TANK: variants seen among roughly 807,000 people sequenced by gnomAD.
TANK encodes TRAF family member-associated NF-kappa-B activator.
Under a neutral mutation model 43.6 loss-of-function variants are expected in TANK, and 15 were observed. The observed-to-expected ratio is 0.34, with a 90% CI of 0.23 to 0.53. The LOEUF (loss-of-function observed/expected upper bound fraction) is 0.53. TANK is among the 20% of genes least tolerant of loss of function. The pLI is 0.94. For missense variants in TANK, 417 were observed against 498.6 expected (o/e 0.84, Z 1.56); for synonymous variants, 162 against 178.2 (o/e 0.91, Z 0.73).
chr2:161,231,588 T>G (rs537285376), intron 7 of TANK, 37 bp downstream of exon 7: 1 of 1,573,352 alleles, frequency 6.4e-7, no homozygotes, highest in Non-Finnish European at 8.7e-7. Flanking sequence ...TTATTATGTG[T>G]GAACACACAT....
Position 161,204,708 on chromosome 2 carries a change from A to T in TANK, c.242A>T (p.Asp81Val), listed in dbSNP as rs764649159. 1 of 1,610,744 alleles carries T rather than the reference A, an allele frequency of 6.2e-7. No homozygotes were observed. Among genetic ancestry groups the T allele is most frequent in the South Asian group, 1.1e-5 (1 of 90,578 alleles). The change falls in exon 4 of 8, where the codon GAC (aspartate) becomes GTC (valine). Residue 81 changes from aspartate (D) to valine (V), a missense_variant. Transcript: ENST00000392749. The part of the protein sequence containing the change: ...NNYGCVPLLE[D>V]SETRKNNLTL... ...TATGGCTGTGTTCCTCTGCTTGAAG[A>T]CAGTGAAACAAGAAAGAATAATTTG... is the stretch of plus-strand genomic sequence containing the variant.
At chr2:161,229,199 G>A (rs1404177823) in intron 6 of TANK, among the ~76,000 whole-genome samples, 1 of 152,224 alleles carries the variant, frequency 6.6e-6, no homozygotes, top group East Asian at 1.9e-4. Context: ...AGGTGCAAAG[G>A]TGCAAAGACA....
chr2:161,215,755 A>G (rs1687089626), intron 4 of TANK, among the ~76,000 whole-genome samples: 1 of 152,110 alleles, frequency 6.6e-6, no homozygotes, highest in Non-Finnish European at 1.5e-5. Flanking sequence ...AGGGTAGAGG[A>G]GGGGGAAGAG....
At chr2:161,214,079 T>C (rs1452907780) in intron 4 of TANK, among the ~76,000 whole-genome samples, 2 of 152,200 alleles carry the variant, frequency 1.3e-5, no homozygotes, top group Admixed American at 1.3e-4. Context: ...CAGAAAAATC[T>C]TTCAAGTATT....
intron 2 of TANK, among the ~76,000 whole-genome samples, chr2:161,190,276 G>A (rs2105318963): frequency 6.6e-6 from 1 of 152,320 alleles, no homozygotes; most frequent in East Asian, 1.9e-4. Context: ...ACCCATTGGT[G>A]TGGCTGTTAT....
At position 161,224,733 on chromosome 2, in the gene TANK, A is replaced by G. The variant is rs760342889; in HGVS notation, c.507A>G (p.Pro169=). ...QKDHLSKLNI[P]DTATETQCSV... is the part of the protein sequence containing the mutation. Reference sequence around the variant, plus strand: ...ACCACTTAAGCAAACTTAATATACCAGACACTGCAACTGGTAAGATTTAAT... The same window carrying G: ...ACCACTTAAGCAAACTTAATATACCGGACACTGCAACTGGTAAGATTTAAT... The change falls in exon 6 of 8, where the codon CCA becomes CCG. Residue 169 remains proline, a synonymous_variant. Transcript: ENST00000392749. 13 of 1,531,080 alleles carry G rather than the reference A, an allele frequency of 8.5e-6. No individual in the cohort carries two copies. The South Asian group carries it at 1.7e-4, about 20-fold the overall frequency. The allele number at this position is 1,531,080 out of a possible 1,614,324, so 94.8% of individuals were successfully genotyped here.
At chr2:161,144,351 T>C (rs1238994344) in intron 1 of TANK, among the ~76,000 whole-genome samples, 14 of 152,144 alleles carry the variant, frequency 9.2e-5, no homozygotes, top group Admixed American at 9.2e-4. Context: ...TTCTGCTAGG[T>C]TTTGGATTTG....
intron 1 of TANK, among the ~76,000 whole-genome samples, chr2:161,150,794 T>C (rs1263922063): frequency 3.9e-5 from 6 of 152,092 alleles, no homozygotes; most frequent in African/African-American, 1.2e-4. Flanking sequence ...TTTCACCATG[T>C]TGGCCAGGCT....
chr2:161,158,121 C>G (rs1573956568), upstream of TANK, among the ~76,000 whole-genome samples: 1 of 152,350 alleles, frequency 6.6e-6, no homozygotes, highest in Non-Finnish European at 1.5e-5. Flanking sequence ...CTCAAGTGAT[C>G]CTCTGCCCTT....
intron 2 of TANK, among the ~76,000 whole-genome samples, chr2:161,202,102 G>C (rs1300675884): frequency 6.7e-6 from 1 of 149,454 alleles, no homozygotes; most frequent in Non-Finnish European, 1.5e-5. Context: ...TATCAGCTTT[G>C]TCAGTTATTC....
At chr2:161,156,210 C>T, upstream of TANK, 2 of 985,328 alleles carry the variant, frequency 2.0e-6, no homozygotes, top group Non-Finnish European at 1.2e-6. Flanking sequence ...TTTGTACTTT[C>T]CAGTCATATT....
At chr2:161,230,194 C>CT (rs1687839525) in intron 6 of TANK, among the ~76,000 whole-genome samples, 2 of 152,070 alleles carry the variant, frequency 1.3e-5, no homozygotes, top group Admixed American at 1.3e-4. Context: ...ATCTATGAAC[C>CT]TTGTGGCTCT....
At chr2:161,180,738 T>A (rs1355306053) in intron 2 of TANK, among the ~76,000 whole-genome samples, 2 of 152,066 alleles carry the variant, frequency 1.3e-5, no homozygotes, top group African/African-American at 2.4e-5. Context: ...TTTATTACAG[T>A]GACATAGTAA....
chr2:161,142,169 T>A (rs1683767915), intron 1 of TANK, among the ~76,000 whole-genome samples: 1 of 152,120 alleles, frequency 6.6e-6, no homozygotes, highest in South Asian at 2.1e-4. Context: ...CACTCTTTGA[T>A]GGGGTTGTTT....
intron 2 of TANK, among the ~76,000 whole-genome samples, chr2:161,185,862 TAAAAA>T (rs576089187): frequency 6.6e-6 from 1 of 151,744 alleles, no homozygotes; most frequent in Non-Finnish European, 1.5e-5. Flanking sequence ...TAAAGTATAA[TAAAAA>T]AAATAATAAT....
chr2:161,213,410 C>T (rs1686978832), intron 4 of TANK, among the ~76,000 whole-genome samples: 1 of 152,038 alleles, frequency 6.6e-6, no homozygotes, highest in African/African-American at 2.4e-5. Flanking sequence ...TGAGACCAAC[C>T]TGGCCAACGT....
rs1344825986 is a variant in TANK, at chr2:161,232,750, C to T, written c.1101+1199C>T. On this transcript the variant is annotated intron_variant, in intron 7 of 7. Transcript: ENST00000392749. ...TTTACTAGTCTGTGCATTCATGTTT[C>T]AGTAGATGGCACCCTGCATTGTACA... 10 of 1,549,958 alleles carry T rather than the reference C, an allele frequency of 6.5e-6. 2 individuals are homozygous for T. In the South Asian group the frequency reaches 1.2e-4, roughly 18 times the overall value.
chr2:161,147,177 G>T (rs1683936692), intron 1 of TANK, among the ~76,000 whole-genome samples: 1 of 152,146 alleles, frequency 6.6e-6, no homozygotes, highest in African/African-American at 2.4e-5. Context: ...AGCCTCCCTG[G>T]CTCCAGCAGG....
At chr2:161,189,563 T>G (rs1026309120) in intron 2 of TANK, among the ~76,000 whole-genome samples, 2 of 151,944 alleles carry the variant, frequency 1.3e-5, no homozygotes, top group Admixed American at 6.6e-5. Flanking sequence ...GAAAAAGAAA[T>G]AAAAGCCATC....
Sources: gnomAD v4.1 joint callset for allele counts (sites outside exome capture counted in the v4.1 genomes callset) on GRCh38, gnomAD v4.1.1 for gene constraint, MANE v1.5 for transcripts, NCBI Gene and HGNC (gene_info 2026-07-23, HGNC 2026-07-21) for gene names.